BMAL1: variants seen among roughly 807,000 people sequenced by gnomAD.
BMAL1 encodes basic helix-loop-helix ARNT like 1, also known as basic helix-loop-helix ARNT-like protein 1.
chr11:13,357,781 C>A, the BMAL1 span, among the ~76,000 whole-genome samples: 1 of 152,322 alleles, frequency 6.6e-6, no homozygotes, highest in Non-Finnish European at 1.5e-5. This position sits in a 1 kb window ranked among gnomAD's most constrained non-coding sequence, Gnocchi z 4.8. Context: ...GTTGCTGCAC[C>A]TCCTTAGGAG....
At chr11:13,369,556 A>G in the BMAL1 span, 5 of 1,593,774 alleles carry the variant, frequency 3.1e-6, no homozygotes, top group South Asian at 3.4e-5. Context: ...TCAAGGTCAC[A>G]CTCCCCCTCC....
At chr11:13,284,576 C>T in the BMAL1 span, among the ~76,000 whole-genome samples, 1 of 151,330 alleles carries the variant, frequency 6.6e-6, no homozygotes, top group South Asian at 2.1e-4. Context: ...CCTGAATCTG[C>T]CATGGTGTGG....
At chr11:13,294,644 G>A in the BMAL1 span, among the ~76,000 whole-genome samples, 4 of 152,184 alleles carry the variant, frequency 2.6e-5, no homozygotes, top group Non-Finnish European at 5.9e-5. Flanking sequence ...TAATGTGTTA[G>A]GAAAGATGTC....
chr11:13,363,932 G>A, the BMAL1 span, among the ~76,000 whole-genome samples: 27 of 152,086 alleles, frequency 1.8e-4, no homozygotes, highest in Admixed American at 7.9e-4. Flanking sequence ...GCCTCCCCTC[G>A]CTGATGCATT....
the BMAL1 span, among the ~76,000 whole-genome samples, chr11:13,343,198 G>A: frequency 6.6e-6 from 1 of 152,132 alleles, no homozygotes; most frequent in Non-Finnish European, 1.5e-5. Flanking sequence ...TACATGATGG[G>A]GTCAGGATTT....
chr11:13,333,771 T>G, the BMAL1 span, among the ~76,000 whole-genome samples: 2 of 152,318 alleles, frequency 1.3e-5, no homozygotes, highest in East Asian at 3.9e-4. Context: ...ACCGCAGATC[T>G]GCCTTTTGGC....
chr11:13,343,722 A>T, the BMAL1 span, among the ~76,000 whole-genome samples: 1 of 152,162 alleles, frequency 6.6e-6, no homozygotes, highest in Non-Finnish European at 1.5e-5. Flanking sequence ...GGGAACTAGC[A>T]CTGTTTGGTG....
the BMAL1 span, among the ~76,000 whole-genome samples, chr11:13,362,549 T>A: frequency 1.3e-5 from 2 of 152,170 alleles, no homozygotes; most frequent in Admixed American, 6.5e-5. Context: ...CATGGCATTG[T>A]TCTAGGAACA....
the BMAL1 span, among the ~76,000 whole-genome samples, chr11:13,340,611 A>G: frequency 6.6e-6 from 1 of 152,070 alleles, no homozygotes; most frequent in Admixed American, 6.6e-5. Context: ...CCCCCAGGAT[A>G]CCTGTAGCCT....
At chr11:13,356,823 T>C in the BMAL1 span, 3 of 1,613,710 alleles carry the variant, frequency 1.9e-6, no homozygotes, top group Non-Finnish European at 2.5e-6. Flanking sequence ...TTATAGCCAT[T>C]TTCTTTGCAC....
At chr11:13,325,661 G>GTT in the BMAL1 span, among the ~76,000 whole-genome samples, 1 of 149,166 alleles carries the variant, frequency 6.7e-6, no homozygotes, top group African/African-American at 2.5e-5. Context: ...GACCTTTTGT[G>GTT]TGTGTGTGTG....
At chr11:13,373,150 T>C in the BMAL1 span, among the ~76,000 whole-genome samples, 1 of 152,206 alleles carries the variant, frequency 6.6e-6, no homozygotes, top group Non-Finnish European at 1.5e-5. Context: ...CAGAAAGTCT[T>C]GTTGGACAGC....
the BMAL1 span, among the ~76,000 whole-genome samples, chr11:13,296,377 GC>G: frequency 6.6e-6 from 1 of 152,124 alleles, no homozygotes; most frequent in Non-Finnish European, 1.5e-5. Context: ...GAATCACTTG[GC>G]TTTCAGAGCT....
chr11:13,355,630 C>T, the BMAL1 span, among the ~76,000 whole-genome samples: 1 of 152,358 alleles, frequency 6.6e-6, no homozygotes, highest in South Asian at 2.1e-4. Context: ...TCATCTGTGA[C>T]TGTCAGGCAG....
At chr11:13,332,675 T>C in the BMAL1 span, among the ~76,000 whole-genome samples, 1 of 152,224 alleles carries the variant, frequency 6.6e-6, no homozygotes, top group East Asian at 1.9e-4. Context: ...TTTCTCTCTC[T>C]TATTTCTTGC....
At chr11:13,358,419 C>T in the BMAL1 span, 3 of 1,522,600 alleles carry the variant, frequency 2.0e-6, no homozygotes, top group Non-Finnish European at 8.8e-7. Flanking sequence ...AATCGTTTTT[C>T]ATATTGTTGT....
the BMAL1 span, chr11:13,354,214 A>ACCCCC: frequency 2.3e-6 from 2 of 872,252 alleles, no homozygotes; most frequent in Non-Finnish European, 3.2e-6. Context: ...CCCACCACCA[A>ACCCCC]ACCCCCAAGC....
At chr11:13,281,282 A>G in the BMAL1 span, among the ~76,000 whole-genome samples, 2 of 152,106 alleles carry the variant, frequency 1.3e-5, no homozygotes, top group African/African-American at 2.4e-5. Context: ...TGTACCAGGC[A>G]ATTTACATGT....
At chr11:13,360,532 C>A in the BMAL1 span, 1 of 921,486 alleles carries the variant, frequency 1.1e-6, no homozygotes, top group Non-Finnish European at 1.7e-6. Context: ...TTTTTTTAGG[C>A]CTGCTTCCTC....
Sources: gnomAD v4.1 joint callset for allele counts (sites outside exome capture counted in the v4.1 genomes callset) on GRCh38, gnomAD v4.1.1 for gene constraint, Gnocchi (gnomAD v3.1) non-coding constraint, MANE v1.5 for transcripts, NCBI Gene and HGNC (gene_info 2026-07-23, HGNC 2026-07-21) for gene names.